Variants in PALS1 observed in about 807,000 individuals in gnomAD.
PALS1 encodes protein associated with LIN7 1, MAGUK p55 family member, also known as protein PALS1.
Under a neutral mutation model 78.9 loss-of-function variants are expected in PALS1, and 31 were observed. The ratio of observed to expected loss-of-function variants is 0.39; its 90% CI spans 0.30 to 0.53. The LOEUF (loss-of-function observed/expected upper bound fraction) is 0.53, where lower values mean the gene tolerates loss of function less well. Among genes scored for constraint, PALS1 ranks in the 20% least tolerant of loss-of-function variants. PALS1 has a pLI of 0.67. For missense variants in PALS1, 704 were observed against 826.5 expected (o/e 0.85, Z 1.82); for synonymous variants, 276 against 270.9 (o/e 1.02, Z -0.18).
At chr14:67,286,684 C>T (rs2084693209) in intron 3 of PALS1, among the ~76,000 whole-genome samples, 1 of 146,856 alleles carries the variant, frequency 6.8e-6, no homozygotes, top group East Asian at 2.1e-4. Context: ...GGTGAAACTC[C>T]ATCTCTACCA....
intron 1 of PALS1, among the ~76,000 whole-genome samples, chr14:67,260,002 G>GA (rs2084210780): frequency 6.6e-6 from 1 of 151,934 alleles, no homozygotes; most frequent in African/African-American, 2.4e-5. Context: ...TCCAGTCTTG[G>GA]AAACATTGTC....
At chr14:67,268,378 A>G (rs1468776148) in intron 1 of PALS1, among the ~76,000 whole-genome samples, 1 of 152,232 alleles carries the variant, frequency 6.6e-6, no homozygotes, top group Non-Finnish European at 1.5e-5. Context: ...GGGTTCTTGG[A>G]TCTTGCATGA....
intron 2 of PALS1, among the ~76,000 whole-genome samples, chr14:67,275,078 G>A (rs1054153603): frequency 4.6e-5 from 7 of 152,196 alleles, no homozygotes; most frequent in African/African-American, 1.4e-4. Flanking sequence ...GGGACAATTT[G>A]ACTTCCTCTT....
chr14:67,283,579 A>T (rs1162350205), intron 3 of PALS1, among the ~76,000 whole-genome samples: 1 of 152,162 alleles, frequency 6.6e-6, no homozygotes, highest in Non-Finnish European at 1.5e-5. Flanking sequence ...AATAAATGTT[A>T]TTAGCCATTC....
chr14:67,260,409 T>C (rs2084217125), intron 1 of PALS1, among the ~76,000 whole-genome samples: 1 of 152,224 alleles, frequency 6.6e-6, no homozygotes, highest in Non-Finnish European at 1.5e-5. Context: ...AAAATATTTG[T>C]ATATAGCACA....
At chr14:67,313,792 T>C (rs978174709) in intron 9 of PALS1, among the ~76,000 whole-genome samples, 6 of 152,146 alleles carry the variant, frequency 3.9e-5, no homozygotes, top group African/African-American at 1.4e-4. Flanking sequence ...TTTTCTTCTG[T>C]GTCCCCTACT....
Position 67,333,679 on chromosome 14 carries a change from A to T in PALS1, c.*723A>T, listed in dbSNP as rs1374150223. ...AAAATATGCTGATCTTTTTTAAATTATGATTTCCTGAATTTTTTTCTTAAG... is the reference window on the plus strand; with the variant it reads ...AAAATATGCTGATCTTTTTTAAATTTTGATTTCCTGAATTTTTTTCTTAAG... On this transcript the variant is annotated 3_prime_UTR_variant, in exon 15 of 15. Transcript: ENST00000261681. The T allele has an allele frequency of 3.3e-5, 5 of 152,548 alleles. No individual in the cohort carries two copies. Among genetic ancestry groups the T allele is most frequent in the African/African-American group, 1.2e-4 (5 of 41,444 alleles). 9.4% of individuals were successfully genotyped at this position (152,548 alleles called of 1,614,324 possible).
At chr14:67,318,357 T>C (rs1301379389) in intron 11 of PALS1, among the ~76,000 whole-genome samples, 1 of 152,218 alleles carries the variant, frequency 6.6e-6, no homozygotes, top group Non-Finnish European at 1.5e-5. Context: ...TAATGCTAAT[T>C]GACAGATTAT....
At chr14:67,258,113 C>T (rs530631058) in intron 1 of PALS1, among the ~76,000 whole-genome samples, 1 of 151,694 alleles carries the variant, frequency 6.6e-6, no homozygotes, top group Non-Finnish European at 1.5e-5. Context: ...TAATGCAGCA[C>T]GTATTGAGTT....
rs759985883 is a variant in PALS1 at position 67,303,562 on chromosome 14, G to A, written c.1004G>A (p.Ser335Asn). 3.7e-6 allele frequency: 6 copies of A among 1,613,840 alleles called. No individual in the cohort carries two copies. In the East Asian group the frequency reaches 8.9e-5, roughly 24 times the overall value. ...HGTLTFVLIP[S>N]QQIKPPPAKE... ...ACTTTGACTTTTGTCCTGATTCCCA[G>A]TCAACAGATCAAGCCGCCTCCTGCC... Residue 335 changes from serine to asparagine, a missense_variant, in exon 8 of 15, where the codon AGT becomes AAT. Transcript: ENST00000261681.
intron 8 of PALS1, among the ~76,000 whole-genome samples, chr14:67,309,813 G>T (rs1169564051): frequency 1.3e-5 from 2 of 152,088 alleles, no homozygotes; most frequent in Non-Finnish European, 2.9e-5. Flanking sequence ...AACATCCTAG[G>T]CAGGTGATCT....
Position 67,323,232 on chromosome 14 carries a change from C to CGTGTGTGTGTGT in PALS1, c.1741-451_1741-440dup, listed in dbSNP as rs35018637. Among the ~76,000 whole-genome samples the CGTGTGTGTGTGT allele has an allele frequency of 2.5e-3, 360 of 143,592 alleles. 5 individuals carry two copies. Among genetic ancestry groups the CGTGTGTGTGTGT allele is most frequent in the African/African-American group, 8.5e-3 (325 of 38,422 alleles). The allele number at this position is 143,592 out of a possible 152,430, so 94.2% of individuals were successfully genotyped here. A position where few individuals can be genotyped will look rare whatever the true frequency, so the allele number is the denominator to read the frequency against. On this transcript the variant is annotated intron_variant, in intron 13 of 14. Transcript: ENST00000261681. ...ATATACATATATACACATATATACA[C>CGTGTGTGTGTGT]GTGTGTGTGTGTGTGTGTGTGTGTG... is the stretch of plus-strand genomic sequence containing the variant.
In PALS1 at chr14:67,323,805, A is replaced by C; in HGVS notation, c.1844A>C (p.Asn615Thr). The C allele has an allele frequency of 6.5e-7, 1 of 1,548,544 alleles. No homozygotes were observed. The highest frequency in any genetic ancestry group is 1.7e-4 in the Middle Eastern group (1 of 5,934). ...GCATTATTGGCCAAAGAAGGCAAGA[A>C]TCCAAAGGTAAAGTTTTCACACTAT... is the stretch of plus-strand genomic sequence containing the variant. The part of the protein sequence containing the change: ...LRALLAKEGK[N>T]PKPEELREII... Residue 615 changes from asparagine to threonine, a missense_variant, in exon 14 of 15, where the codon AAT (asparagine) becomes ACT (threonine). By Grantham distance (65) the Asn-to-Thr change is moderately conservative. Coordinates refer to ENST00000261681, the MANE Select transcript of PALS1 (RefSeq NM_022474.4).
intron 14 of PALS1, among the ~76,000 whole-genome samples, chr14:67,324,988 T>C (rs1469475963): frequency 7.3e-6 from 1 of 137,614 alleles, no homozygotes; most frequent in African/African-American, 2.8e-5. Flanking sequence ...GACTGCAAGC[T>C]CCGCCTCCCA....
intron 4 of PALS1, among the ~76,000 whole-genome samples, chr14:67,292,974 A>G (rs2084797978): frequency 6.6e-6 from 1 of 152,162 alleles, no homozygotes; most frequent in African/African-American, 2.4e-5. Flanking sequence ...ATAGTAACAA[A>G]TATTTGAATT....
intron 14 of PALS1, among the ~76,000 whole-genome samples, chr14:67,325,931 C>A (rs925957406): frequency 3.3e-5 from 5 of 151,636 alleles, no homozygotes; most frequent in African/African-American, 1.2e-4. Context: ...GCCTCAGCCT[C>A]CCGAGTAGCT....
chr14:67,306,041 C>T (rs2084996777), intron 8 of PALS1, among the ~76,000 whole-genome samples: 3 of 152,170 alleles, frequency 2.0e-5, no homozygotes, highest in Admixed American at 2.0e-4. Context: ...ACCATCTGGG[C>T]TCACTGCAAC....
rs2085244445 is a variant in PALS1 at position 67,320,341 on chromosome 14, A to C, written c.1481A>C (p.Glu494Ala). 6.2e-7 allele frequency: 1 copy of C among 1,613,420 alleles called. No homozygotes were observed. The highest frequency in any genetic ancestry group is 8.5e-7 in the Non-Finnish European group (1 of 1,179,742). The change falls in exon 12 of 15, where the codon GAA becomes GCA. Residue 494 changes from glutamate (E) to alanine (A), a missense_variant. Coordinates refer to ENST00000261681, the MANE Select transcript of PALS1 (RefSeq NM_022474.4). ...LIGPQNCGQN[E>A]LRQRLMNKEK... is the part of the protein sequence containing the mutation. ...GGTCCACAGAACTGTGGCCAGAATGAATTGCGTCAGAGGCTCATGAACAAA... is the reference window on the plus strand; with the variant it reads ...GGTCCACAGAACTGTGGCCAGAATGCATTGCGTCAGAGGCTCATGAACAAA...
At chr14:67,258,264 G>T (rs940588854) in intron 1 of PALS1, among the ~76,000 whole-genome samples, 2 of 152,052 alleles carry the variant, frequency 1.3e-5, no homozygotes, top group Admixed American at 6.5e-5. Flanking sequence ...GCCAGGCACC[G>T]TGGCTCACTC....
Sources: gnomAD v4.1 joint callset for allele counts (sites outside exome capture counted in the v4.1 genomes callset) on GRCh38, gnomAD v4.1.1 for gene constraint, MANE v1.5 for transcripts, NCBI Gene and HGNC (gene_info 2026-07-23, HGNC 2026-07-21) for gene names.